PTPRK: variants seen among roughly 807,000 people sequenced by gnomAD.
PTPRK encodes the protein receptor-type tyrosine-protein phosphatase kappa.
A neutral mutation model predicts 178.0 loss-of-function variants in PTPRK; 75 were observed. That is an observed-to-expected ratio of 0.42 (90% CI 0.35 to 0.51). PTPRK has a LOEUF of 0.51. Ranked by LOEUF, PTPRK falls within the 20% of genes least tolerant of loss-of-function variation. The pLI is 0.02. For synonymous variants in PTPRK, 637 were observed against 620.6 expected (o/e 1.03, Z -0.39); for missense variants, 1,441 against 1,797.8 (o/e 0.80, Z 3.59).
At chr6:128,373,327 C>A (rs1836560030) in intron 2 of PTPRK, among the ~76,000 whole-genome samples, 1 of 152,156 alleles carries the variant, frequency 6.6e-6, no homozygotes, top group African/African-American at 2.4e-5. Flanking sequence ...ATCAGGATAA[C>A]CTATTGCAAC....
intron 7 of PTPRK, among the ~76,000 whole-genome samples, chr6:128,101,309 T>C (rs1788735020): frequency 6.6e-6 from 1 of 152,066 alleles, no homozygotes; most frequent in Admixed American, 6.5e-5. Context: ...TGGATGCTAA[T>C]ATAATGTTTA....
intron 7 of PTPRK, among the ~76,000 whole-genome samples, chr6:128,114,524 G>C (rs1791175391): frequency 6.6e-6 from 1 of 151,314 alleles, no homozygotes; most frequent in South Asian, 2.1e-4. Flanking sequence ...GAAGAATGAG[G>C]CAAGAGAATT....
intron 3 of PTPRK, among the ~76,000 whole-genome samples, chr6:128,253,348 T>A (rs903010569): frequency 2.0e-5 from 3 of 152,146 alleles, no homozygotes; most frequent in African/African-American, 7.2e-5. Context: ...GCAAGCAACC[T>A]ACACCATAAA....
chr6:128,041,457 A>T (rs751550433), intron 13 of PTPRK, among the ~76,000 whole-genome samples: 2 of 152,096 alleles, frequency 1.3e-5, no homozygotes, highest in Non-Finnish European at 2.9e-5. Flanking sequence ...CCAATGCTCT[A>T]TAACACTCTG....
intron 7 of PTPRK, among the ~76,000 whole-genome samples, chr6:128,179,146 C>A (rs1801537429): frequency 6.6e-6 from 1 of 151,946 alleles, no homozygotes; most frequent in Non-Finnish European, 1.5e-5. Context: ...AGTTTGCTCT[C>A]ATTTTATTCA....
rs563037465 is a variant in PTPRK, at chr6:128,229,324, G to A, written c.694-10228C>T. Among the ~76,000 whole-genome samples, 43 of 152,168 alleles carry A rather than the reference G, an allele frequency of 2.8e-4. No homozygotes were observed. In the East Asian group the frequency reaches 3.5e-3, roughly 12 times the overall value. The stretch of plus-strand genomic sequence containing the variant: ...TATGTCACTGACAACCAAGAATATC[G>A]GTGTGGAAATAAAATGTAACTGAAA... On this transcript the variant is annotated intron_variant, in intron 5 of 29. Coordinates refer to ENST00000368226, the MANE Select transcript of PTPRK (RefSeq NM_002844.4).
At chr6:128,455,706 T>C (rs1480442884) in intron 1 of PTPRK, among the ~76,000 whole-genome samples, 2 of 152,134 alleles carry the variant, frequency 1.3e-5, no homozygotes, top group South Asian at 2.1e-4. Context: ...CACACTCTAA[T>C]GTCTTATGTA....
At chr6:128,420,483 G>C (rs1482264742) in intron 1 of PTPRK, among the ~76,000 whole-genome samples, 2 of 152,032 alleles carry the variant, frequency 1.3e-5, no homozygotes, top group Non-Finnish European at 2.9e-5. Flanking sequence ...CCTTACTTTA[G>C]GTATATGGAA....
intron 2 of PTPRK, among the ~76,000 whole-genome samples, chr6:128,357,146 A>G (rs1361991317): frequency 6.6e-6 from 1 of 152,158 alleles, no homozygotes; most frequent in Non-Finnish European, 1.5e-5. Flanking sequence ...TCCTGAACCA[A>G]GAAACAGATA....
chr6:128,369,704 T>C (rs560229139), intron 2 of PTPRK, among the ~76,000 whole-genome samples: 8 of 152,238 alleles, frequency 5.3e-5, no homozygotes, highest in African/African-American at 1.9e-4. Context: ...GAAATTCATT[T>C]AATTTTTAAC....
chr6:128,066,499 A>G (rs946688615), intron 12 of PTPRK, among the ~76,000 whole-genome samples: 3 of 49,556 alleles, frequency 6.1e-5, no homozygotes, highest in South Asian at 6.1e-3. Context: ...ATGTCTTCCA[A>G]TTAAACTCTT....
chr6:128,178,020 C>A (rs1801342014), intron 7 of PTPRK, among the ~76,000 whole-genome samples: 1 of 151,770 alleles, frequency 6.6e-6, no homozygotes, highest in Non-Finnish European at 1.5e-5. Flanking sequence ...GCAAACCATC[C>A]TTATGGTGAC....
intron 7 of PTPRK, among the ~76,000 whole-genome samples, chr6:128,145,221 G>T (rs938272579): frequency 6.6e-6 from 1 of 151,958 alleles, no homozygotes; most frequent in East Asian, 1.9e-4. Flanking sequence ...TTAAAAATTT[G>T]TTAAGAGGGT....
chr6:128,051,712 T>C (rs751617229), intron 13 of PTPRK, among the ~76,000 whole-genome samples: 17 of 152,234 alleles, frequency 1.1e-4, no homozygotes, highest in Non-Finnish European at 2.5e-4. Flanking sequence ...TCTCCTCATC[T>C]TTCTATATTA....
At chr6:128,206,778 T>C (rs144352128) in intron 6 of PTPRK, among the ~76,000 whole-genome samples, 4 of 152,200 alleles carry the variant, frequency 2.6e-5, no homozygotes, top group African/African-American at 7.2e-5. Flanking sequence ...AATGTAGACA[T>C]AGAATCCAAT....
chr6:128,024,219 G>T (rs1218612843), intron 13 of PTPRK, among the ~76,000 whole-genome samples: 1 of 152,108 alleles, frequency 6.6e-6, no homozygotes, highest in Non-Finnish European at 1.5e-5. Context: ...TAAGAGCTCT[G>T]TAAACATCTG....
chr6:127,986,004 T>A, intron 21 of PTPRK, 129 bp from the exon 22 acceptor site: 1 of 816,582 alleles, frequency 1.2e-6, no homozygotes, highest in Non-Finnish European at 1.7e-6. Flanking sequence ...AGACTATGCC[T>A]TTTCTTAAAA....
chr6:128,075,058 A>C (rs910348743), intron 11 of PTPRK, among the ~76,000 whole-genome samples: 6 of 152,014 alleles, frequency 3.9e-5, no homozygotes, highest in Non-Finnish European at 5.9e-5. Context: ...CAAATATAAA[A>C]GCTACCATCT....
At chr6:128,125,288 A>G (rs1402041663) in intron 7 of PTPRK, among the ~76,000 whole-genome samples, 1 of 152,138 alleles carries the variant, frequency 6.6e-6, no homozygotes, top group African/African-American at 2.4e-5. Context: ...TTTCTCAGGA[A>G]TAGTTTAGCA....
Sources: gnomAD v4.1 joint callset for allele counts (sites outside exome capture counted in the v4.1 genomes callset) on GRCh38, gnomAD v4.1.1 for gene constraint, MANE v1.5 for transcripts, NCBI Gene and HGNC (gene_info 2026-07-23, HGNC 2026-07-21) for gene names.